AFAP1: variants seen among roughly 807,000 people sequenced by gnomAD.
The protein encoded by AFAP1 is actin filament associated protein 1.
AFAP1 carries 75 observed loss-of-function variants against 93.9 expected under a neutral mutation model. The observed-to-expected ratio is 0.80, with a 90% CI of 0.66 to 0.97. The LOEUF (loss-of-function observed/expected upper bound fraction) is 0.97. Among genes scored for constraint, AFAP1 ranks in the 50% least tolerant of loss-of-function variants. The pLI, the probability that AFAP1 is intolerant of heterozygous loss-of-function variation, is 0.00. For missense variants in AFAP1, 1,201 were observed against 1,050.8 expected (o/e 1.14, Z -1.98); for synonymous variants, 517 against 430.7 (o/e 1.20, Z -2.48).
intron 3 of AFAP1, among the ~76,000 whole-genome samples, chr4:7,866,048 C>T (rs73210870): frequency 0.058 from 8,840 of 152,054 alleles, 348 homozygotes; most frequent in Non-Finnish European, 0.088. Context: ...GGGCACCCAA[C>T]ACCATGCCCA....
At position 7,800,481 on chromosome 4, in the gene AFAP1, G is replaced by T. The variant is rs775058044; in HGVS notation, c.1227C>A (p.Phe409Leu). ...CCTCCTGGCCGTTGCGCAGCAGCCG[G>T]AACGTCAGAGGATGTTTAGAATCCA... ...PGLDSKHPLT[F>L]RLLRNGQEVA... The change falls in exon 10 of 18, where the codon TTC becomes TTA. Residue 409 changes from phenylalanine (F) to leucine (L), a missense_variant. By Grantham distance (22) the Phe-to-Leu change is conservative. Coordinates refer to ENST00000420658, the MANE Select transcript of AFAP1 (RefSeq NM_001134647.2). 24 of 1,614,076 alleles carry T rather than the reference G, an allele frequency of 1.5e-5. No homozygotes were observed. Among genetic ancestry groups the T allele is most frequent in the Non-Finnish European group, 1.8e-5 (21 of 1,180,046 alleles).
chr4:7,833,907 T>G (rs1711933658), intron 6 of AFAP1, among the ~76,000 whole-genome samples: 1 of 151,980 alleles, frequency 6.6e-6, no homozygotes, highest in Non-Finnish European at 1.5e-5. Flanking sequence ...CTTAAAATAA[T>G]TAAAAGTAGA....
Position 7,811,191 on chromosome 4 carries a change from T to C in AFAP1, c.905-1428A>G, listed in dbSNP as rs111846110. 5.2e-3 allele frequency among the ~76,000 whole-genome samples: 788 copies of C among 152,280 alleles called. 9 individuals are homozygous for C. The highest frequency in any genetic ancestry group is 0.018 in the African/African-American group (749 of 41,550). ...TGAGGGGACAGAGAGATTCTCAGTG[T>C]CGTGGGCAAACCCCAGCGCCCGACC... On this transcript the variant is annotated intron_variant, in intron 8 of 17. Transcript: ENST00000420658.
chr4:7,783,890 C>A (rs542296575), intron 12 of AFAP1, among the ~76,000 whole-genome samples: 1 of 152,306 alleles, frequency 6.6e-6, no homozygotes, highest in African/African-American at 2.4e-5. Context: ...GGGCTAGACA[C>A]AGGCTCAGAG....
rs116229469 is a variant in AFAP1 at position 7,900,027 on chromosome 4, C to G, written c.-2-27947G>C. Among the ~76,000 whole-genome samples, 1,042 of 152,238 alleles carry G rather than the reference C, an allele frequency of 6.8e-3. 7 individuals carry two copies. Among genetic ancestry groups the G allele is most frequent in the Non-Finnish European group, 0.01 (712 of 68,012 alleles). On this transcript the variant is annotated intron_variant, in intron 1 of 17. Coordinates refer to ENST00000420658, the MANE Select transcript of AFAP1 (RefSeq NM_001134647.2). ...AGGCATGTGCTTCCCTAAGACTAAG[C>G]CATGGCAAATACCCCCAGCAACTCT...
intron 6 of AFAP1, among the ~76,000 whole-genome samples, chr4:7,828,473 G>A (rs1721625575): frequency 1.3e-5 from 2 of 152,194 alleles, no homozygotes; most frequent in Admixed American, 6.5e-5. Flanking sequence ...CCACAGTTTG[G>A]CCAAAGGAGT....
chr4:7,778,375 G>A (rs554799308), intron 14 of AFAP1: 31 of 309,438 alleles, frequency 1.0e-4, no homozygotes, highest in East Asian at 4.7e-4. Context: ...ACGTGTCTAC[G>A]TCTGACAGAT....
rs1713587931 is a variant in AFAP1 at position 7,760,203 on chromosome 4, CAG to C, written c.*3560_*3561del. Reference sequence around the variant, plus strand: ...AGAGCTGAGGCCACACTTTTTGAAACAGACTTTTCAAAAGGAGTAAATCTCCA... The same window carrying C: ...AGAGCTGAGGCCACACTTTTTGAAACACTTTTCAAAAGGAGTAAATCTCCA... On this transcript the variant is annotated 3_prime_UTR_variant, in exon 18 of 18. Coordinates refer to ENST00000420658, the MANE Select transcript of AFAP1 (RefSeq NM_001134647.2). 6.6e-6 allele frequency: 1 copy of C among 152,210 alleles called. No individual in the cohort carries two copies. The highest frequency in any genetic ancestry group is 1.5e-5 in the Non-Finnish European group (1 of 68,030). The allele number at this position is 152,210 out of a possible 1,614,324, so 9.4% of individuals were successfully genotyped here.
chr4:7,799,197 C>T, intron 10 of AFAP1: 1 of 552,690 alleles, frequency 1.8e-6, no homozygotes, highest in Non-Finnish European at 2.3e-6. Flanking sequence ...CCAAGCCCAT[C>T]TGAGCCCAGC....
At chr4:7,928,824 G>A (rs1045302117) in intron 1 of AFAP1, among the ~76,000 whole-genome samples, 4 of 152,188 alleles carry the variant, frequency 2.6e-5, no homozygotes, top group South Asian at 2.1e-4. Flanking sequence ...TGCAATGGCC[G>A]CGGTGTTCCC....
chr4:7,852,057 G>A (rs977381764), intron 4 of AFAP1, among the ~76,000 whole-genome samples: 1 of 152,248 alleles, frequency 6.6e-6, no homozygotes, highest in African/African-American at 2.4e-5. Context: ...TTACCCAATA[G>A]GTCAAAATAA....
intron 17 of AFAP1, among the ~76,000 whole-genome samples, chr4:7,767,261 C>G (rs1187499472): frequency 6.6e-6 from 1 of 152,192 alleles, no homozygotes; most frequent in Non-Finnish European, 1.5e-5. Flanking sequence ...CACTCGCTTC[C>G]CATTCACCAA....
chr4:7,881,152 T>C (rs1025039672), intron 1 of AFAP1, among the ~76,000 whole-genome samples: 3 of 152,108 alleles, frequency 2.0e-5, no homozygotes, highest in Admixed American at 1.3e-4. Context: ...CTAATCTAAA[T>C]TGGGGGGTGG....
intron 11 of AFAP1, among the ~76,000 whole-genome samples, chr4:7,791,502 C>A (rs1327570143): frequency 6.6e-6 from 1 of 152,132 alleles, no homozygotes; most frequent in Non-Finnish European, 1.5e-5. Context: ...AGATGCCCTA[C>A]CTAATACCTG....
chr4:7,879,519 A>C (rs1044623038), intron 1 of AFAP1, among the ~76,000 whole-genome samples: 2 of 152,150 alleles, frequency 1.3e-5, no homozygotes, highest in African/African-American at 2.4e-5. Flanking sequence ...TCCAGAAGAA[A>C]AAATCTTCCC....
At chr4:7,931,795 C>T (rs1381097942) in intron 1 of AFAP1, among the ~76,000 whole-genome samples, 3 of 152,008 alleles carry the variant, frequency 2.0e-5, no homozygotes, top group Non-Finnish European at 2.9e-5. Context: ...AATTTTTGCA[C>T]AGGATTTTGA....
intron 5 of AFAP1, among the ~76,000 whole-genome samples, chr4:7,842,415 C>T (rs1255719237): frequency 6.6e-6 from 1 of 151,692 alleles, no homozygotes; most frequent in Non-Finnish European, 1.5e-5. Context: ...GCAATGATTC[C>T]CCCAAGGTTA....
intron 16 of AFAP1, among the ~76,000 whole-genome samples, chr4:7,770,296 A>T (rs1715241980): frequency 6.6e-6 from 1 of 152,176 alleles, no homozygotes; most frequent in Admixed American, 6.5e-5. Flanking sequence ...ATGGGGGTGG[A>T]AGAATGTGGA....
intron 4 of AFAP1, among the ~76,000 whole-genome samples, chr4:7,850,125 G>A (rs147060090): frequency 3.0e-4 from 45 of 151,630 alleles, no homozygotes; most frequent in Middle Eastern, 7.0e-3. Flanking sequence ...GTCTAAGTCC[G>A]AGATCTCACT....
Sources: allele counts gnomAD v4.1 joint callset (sites outside exome capture counted in the v4.1 genomes callset), GRCh38; gene constraint gnomAD v4.1.1; transcripts MANE v1.5; gene names NCBI Gene and HGNC (gene_info 2026-07-23, HGNC 2026-07-21).